Variants in SLC35F4 observed in about 807,000 individuals in gnomAD.
SLC35F4 encodes the protein solute carrier family 35 member F4.
In SLC35F4, 24 loss-of-function variants were observed where a neutral mutation model predicts 44.2. The observed-to-expected ratio is 0.54, with a 90% CI of 0.39 to 0.76. The LOEUF is 0.76. SLC35F4 is among the 30% of genes least tolerant of loss of function. The pLI is 0.00. For missense variants in SLC35F4, 562 were observed against 586.1 expected, an observed-to-expected ratio of 0.96 and a Z score of 0.42; for synonymous variants, 238 against 223.6, an observed-to-expected ratio of 1.06 and a Z score of -0.57.
chr14:57,829,701 G>A (rs1884146029), intron 1 of SLC35F4, among the ~76,000 whole-genome samples: 1 of 152,206 alleles, frequency 6.6e-6, no homozygotes, highest in African/African-American at 2.4e-5. Context: ...TGGGTGCTGT[G>A]AGACCAATCG....
intron 1 of SLC35F4, among the ~76,000 whole-genome samples, chr14:57,785,712 A>G (rs976463956): frequency 6.6e-6 from 1 of 152,120 alleles, no homozygotes; most frequent in Non-Finnish European, 1.5e-5. Context: ...AGCTGAGTCC[A>G]TTTAGAGAGC....
chr14:57,893,461 C>T (rs1260740802), intron 1 of SLC35F4, among the ~76,000 whole-genome samples: 1 of 152,108 alleles, frequency 6.6e-6, no homozygotes, highest in East Asian at 1.9e-4. Flanking sequence ...TAAACAGTAA[C>T]TGAAAAAGGC....
intron 1 of SLC35F4, among the ~76,000 whole-genome samples, chr14:57,652,546 A>G (rs74202372): frequency 0.12 from 18,189 of 152,146 alleles, 1,370 homozygotes; most frequent in East Asian, 0.29. Flanking sequence ...TTTGGTTGTC[A>G]TAACTGGGAG....
intron 1 of SLC35F4, among the ~76,000 whole-genome samples, chr14:57,773,539 T>C (rs1407933888): frequency 6.6e-6 from 1 of 152,184 alleles, no homozygotes; most frequent in Non-Finnish European, 1.5e-5. Flanking sequence ...ATATATTTTA[T>C]TGGGAAAATT....
At chr14:57,609,754 T>C (rs771706348) in intron 1 of SLC35F4, among the ~76,000 whole-genome samples, 4 of 152,232 alleles carry the variant, frequency 2.6e-5, no homozygotes, top group Non-Finnish European at 5.9e-5. Context: ...TTAAATTTAC[T>C]ACACAGGCTT....
chr14:57,690,563 T>A (rs1187800729), intron 1 of SLC35F4, among the ~76,000 whole-genome samples: 1 of 152,046 alleles, frequency 6.6e-6, no homozygotes, highest in Non-Finnish European at 1.5e-5. Context: ...AGGGATGGTT[T>A]GGGATGATTC....
chr14:57,843,524 C>T (rs532086100), intron 1 of SLC35F4, among the ~76,000 whole-genome samples: 1 of 152,216 alleles, frequency 6.6e-6, no homozygotes, highest in Non-Finnish European at 1.5e-5. Flanking sequence ...TCTTCCCTAA[C>T]TCAGCTTGAC....
At chr14:57,861,764 A>C (rs1377501643) in intron 1 of SLC35F4, among the ~76,000 whole-genome samples, 1 of 152,134 alleles carries the variant, frequency 6.6e-6, no homozygotes, top group African/African-American at 2.4e-5. Flanking sequence ...CCAGGGTAAC[A>C]CATGTTCCTG....
intron 4 of SLC35F4, among the ~76,000 whole-genome samples, chr14:57,577,204 G>A (rs1393778637): frequency 6.6e-6 from 1 of 152,166 alleles, no homozygotes; most frequent in Non-Finnish European, 1.5e-5. Flanking sequence ...CCAATGTACT[G>A]TTTTAGCCTT....
chr14:57,596,746 G>T (rs766937984), intron 1 of SLC35F4: 1 of 1,342,902 alleles, frequency 7.4e-7, no homozygotes, highest in South Asian at 1.1e-5. Context: ...CCACACCAGT[G>T]ATTTATCTTC....
intron 1 of SLC35F4, among the ~76,000 whole-genome samples, chr14:57,712,813 T>C (rs2075846327): frequency 6.6e-6 from 1 of 152,232 alleles, no homozygotes; most frequent in Non-Finnish European, 1.5e-5. Flanking sequence ...AAAGAAGTTA[T>C]TTATAATCCA....
At chr14:57,646,048 T>C (rs1202184989) in intron 1 of SLC35F4, among the ~76,000 whole-genome samples, 3 of 152,118 alleles carry the variant, frequency 2.0e-5, no homozygotes, top group Admixed American at 6.6e-5. Context: ...AGGATTTTTG[T>C]ACCAATGTTC....
intron 1 of SLC35F4, among the ~76,000 whole-genome samples, chr14:57,646,162 CT>C (rs1566721630): frequency 1.3e-5 from 2 of 152,286 alleles, no homozygotes; most frequent in East Asian, 3.9e-4. Flanking sequence ...AGGATTCCCT[CT>C]TTTTCTATTG....
intron 1 of SLC35F4, among the ~76,000 whole-genome samples, chr14:57,668,916 T>G (rs1436233133): frequency 6.6e-6 from 1 of 152,102 alleles, no homozygotes; most frequent in East Asian, 1.9e-4. Context: ...TAAATTACCT[T>G]GGGCAGTATG....
At chr14:57,922,024 T>A (rs907788029) in intron 1 of SLC35F4, among the ~76,000 whole-genome samples, 4 of 152,174 alleles carry the variant, frequency 2.6e-5, no homozygotes, top group Non-Finnish European at 5.9e-5. Flanking sequence ...TGATGGCCAA[T>A]GGAGGAGGGC....
intron 1 of SLC35F4, among the ~76,000 whole-genome samples, chr14:57,899,861 C>T (rs1457084221): frequency 6.6e-6 from 1 of 152,082 alleles, no homozygotes; most frequent in African/African-American, 2.4e-5. Flanking sequence ...AAAGATGGCA[C>T]GGACCCAAAG....
At chr14:57,909,803 A>T (rs1396057206) in intron 1 of SLC35F4, among the ~76,000 whole-genome samples, 1 of 152,176 alleles carries the variant, frequency 6.6e-6, no homozygotes, top group Non-Finnish European at 1.5e-5. Flanking sequence ...TTTTATGTGG[A>T]CATAAGTTTT....
chr14:57,607,116 A>G (rs535348978), intron 1 of SLC35F4, among the ~76,000 whole-genome samples: 3 of 152,284 alleles, frequency 2.0e-5, no homozygotes, highest in East Asian at 3.9e-4. Context: ...AAGGCAATTC[A>G]CTGCACAGCC....
At position 57,648,733 on chromosome 14, in the gene SLC35F4, A is replaced by T. The variant is rs148398502; in HGVS notation, c.104-54609T>A. 1.8e-3 allele frequency among the ~76,000 whole-genome samples: 271 copies of T among 152,344 alleles called. 1 individual carries two copies. Among genetic ancestry groups the T allele is most frequent in the African/African-American group, 5.9e-3 (245 of 41,596 alleles). On this transcript the variant is annotated intron_variant, in intron 1 of 7. Transcript: ENST00000556826. ...GTATTTGTTTCTTTCTGAAAAATAA[A>T]ATCTAAGCTTTATGCAAGCTCTTCA... is the stretch of plus-strand genomic sequence containing the variant.
Sources: gnomAD v4.1 joint callset for allele counts (sites outside exome capture counted in the v4.1 genomes callset) on GRCh38, gnomAD v4.1.1 for gene constraint, MANE v1.5 for transcripts, NCBI Gene and HGNC (gene_info 2026-07-23, HGNC 2026-07-21) for gene names.